Variants in EFNA5 observed in about 807,000 individuals in gnomAD.
EFNA5 encodes ephrin-A5.
In EFNA5, 5 loss-of-function variants were observed where a neutral mutation model predicts 22.9. The ratio of observed to expected loss-of-function variants is 0.22; its 90% CI spans 0.11 to 0.46. The LOEUF is 0.46. EFNA5 is among the 20% of genes least tolerant of loss of function. EFNA5 has a pLI of 0.99. For synonymous variants in EFNA5, 113 were observed against 112.2 expected (o/e 1.01, Z -0.04); for missense variants, 237 against 293.3 (o/e 0.81, Z 1.40).
intron 4 of EFNA5, among the ~76,000 whole-genome samples, chr5:107,381,843 T>C (rs1402535417): frequency 2.0e-5 from 3 of 152,170 alleles, no homozygotes. Context: ...ATAGGATTAG[T>C]GTTGAATGCC....
intron 1 of EFNA5, among the ~76,000 whole-genome samples, chr5:107,568,521 G>A (rs1437250995): frequency 6.6e-6 from 1 of 152,178 alleles, no homozygotes; most frequent in Non-Finnish European, 1.5e-5. Context: ...AAAGGGTAAA[G>A]CCATCAGGAA....
chr5:107,499,347 G>A (rs1193762458), intron 1 of EFNA5, among the ~76,000 whole-genome samples: 1 of 152,184 alleles, frequency 6.6e-6, no homozygotes, highest in Non-Finnish European at 1.5e-5. Context: ...TAAAGAGCCT[G>A]CATCTGCAGC....
intron 1 of EFNA5, among the ~76,000 whole-genome samples, chr5:107,637,080 CA>C (rs577386193): frequency 4.7e-4 from 72 of 152,244 alleles, no homozygotes; most frequent in Middle Eastern, 3.4e-3. Flanking sequence ...CTGAACTAAG[CA>C]AGAATTCTAA....
intron 4 of EFNA5, among the ~76,000 whole-genome samples, chr5:107,384,034 A>G (rs1482601269): frequency 6.6e-6 from 1 of 152,180 alleles, no homozygotes; most frequent in African/African-American, 2.4e-5. Context: ...GATTCCACAA[A>G]GCATCCTTTG....
intron 1 of EFNA5, among the ~76,000 whole-genome samples, chr5:107,492,362 TATG>T (rs1448896854): frequency 2.0e-5 from 3 of 152,242 alleles, no homozygotes; most frequent in African/African-American, 4.8e-5. Flanking sequence ...ATCCTTTTAT[TATG>T]ATAACTATTC....
At chr5:107,509,294 G>C (rs1164421075) in intron 1 of EFNA5, among the ~76,000 whole-genome samples, 1 of 151,674 alleles carries the variant, frequency 6.6e-6, no homozygotes, top group African/African-American at 2.4e-5. Context: ...GAGCAAAAGT[G>C]AGTGTCAACT....
At chr5:107,611,273 G>A (rs765648862) in intron 1 of EFNA5, among the ~76,000 whole-genome samples, 1 of 152,116 alleles carries the variant, frequency 6.6e-6, no homozygotes, top group Non-Finnish European at 1.5e-5. Flanking sequence ...AGAAGAGACT[G>A]TTTAAAATCA....
rs74892406 is a variant in EFNA5, at chr5:107,605,903, A to G, written c.125+64586T>C. On this transcript the variant is annotated intron_variant, in intron 1 of 4. Coordinates refer to ENST00000333274, the MANE Select transcript of EFNA5 (RefSeq NM_001962.3). ...AGTATTTCTATTTCTCTTGGCACTG[A>G]ATAAAATGGTTTTCCAGGGGATGGA... Among the ~76,000 whole-genome samples, 647 of 152,324 alleles carry G rather than the reference A, an allele frequency of 4.2e-3. 5 individuals carry two copies. Among genetic ancestry groups the G allele is most frequent in the African/African-American group, 0.015 (613 of 41,574 alleles).
chr5:107,462,487 C>T (rs771722319), intron 1 of EFNA5, among the ~76,000 whole-genome samples: 31 of 152,062 alleles, frequency 2.0e-4, no homozygotes, highest in Admixed American at 4.6e-4. Flanking sequence ...CCATGGTAAA[C>T]GGCTATGGGT....
intron 1 of EFNA5, among the ~76,000 whole-genome samples, chr5:107,562,059 T>C (rs17160190): frequency 0.029 from 4,423 of 152,270 alleles, 208 homozygotes; most frequent in African/African-American, 0.098. Flanking sequence ...GAAACGGTCA[T>C]GTGGATTCAA....
chr5:107,585,257 G>A (rs776156913), intron 1 of EFNA5, among the ~76,000 whole-genome samples: 6 of 152,154 alleles, frequency 3.9e-5, no homozygotes, highest in Non-Finnish European at 8.8e-5. Flanking sequence ...GAAATTCTAA[G>A]TTAACTTCTA....
intron 2 of EFNA5, among the ~76,000 whole-genome samples, chr5:107,393,552 C>G (rs919243918): frequency 3.3e-5 from 5 of 152,252 alleles, no homozygotes; most frequent in Admixed American, 2.6e-4. Context: ...GAATATTCAG[C>G]CGCTTTCTTC....
intron 1 of EFNA5, among the ~76,000 whole-genome samples, chr5:107,515,088 T>G (rs1307373171): frequency 6.6e-6 from 1 of 152,118 alleles, no homozygotes; most frequent in African/African-American, 2.4e-5. Context: ...ATGGTCCCAA[T>G]CAACTAGAAA....
At chr5:107,485,693 C>T (rs1352964935) in intron 1 of EFNA5, among the ~76,000 whole-genome samples, 1 of 152,142 alleles carries the variant, frequency 6.6e-6, no homozygotes, top group Non-Finnish European at 1.5e-5. Flanking sequence ...CACTGACTCT[C>T]ACTTATTTTA....
At chr5:107,528,169 CG>C (rs561352037) in intron 1 of EFNA5, among the ~76,000 whole-genome samples, 1 of 152,100 alleles carries the variant, frequency 6.6e-6, no homozygotes, top group South Asian at 2.1e-4. Flanking sequence ...GTACTTACCC[CG>C]CTCGCCTCAC....
chr5:107,544,987 C>A (rs541745090), intron 1 of EFNA5, among the ~76,000 whole-genome samples: 16 of 152,340 alleles, frequency 1.1e-4, no homozygotes, highest in Admixed American at 4.6e-4. Flanking sequence ...ATCCTTGAGG[C>A]TGATTTGAAG....
Position 107,480,405 on chromosome 5 carries a change from A to C in EFNA5, c.126-52896T>G, listed in dbSNP as rs184869203. ...ATCAAAGATGCTCTCTGCTTCTAAG[A>C]AATTGTTTATTAACTGGCACAAGAA... On this transcript the variant is annotated intron_variant, in intron 1 of 4. Coordinates refer to ENST00000333274, the MANE Select transcript of EFNA5 (RefSeq NM_001962.3). Among the ~76,000 whole-genome samples, 409 of 152,354 alleles carry C rather than the reference A, an allele frequency of 2.7e-3. 1 individual carries two copies. Among genetic ancestry groups the C allele is most frequent in the Non-Finnish European group, 3.8e-3 (261 of 68,042 alleles).
intron 2 of EFNA5, among the ~76,000 whole-genome samples, chr5:107,394,604 A>C (rs1437624454): frequency 6.6e-6 from 1 of 152,182 alleles, no homozygotes; most frequent in Non-Finnish European, 1.5e-5. Context: ...CACACACAAA[A>C]GAGAAATGGG....
chr5:107,611,179 G>A (rs1169649322), intron 1 of EFNA5, among the ~76,000 whole-genome samples: 1 of 151,916 alleles, frequency 6.6e-6, no homozygotes, highest in Non-Finnish European at 1.5e-5. Flanking sequence ...CGCATATGAA[G>A]CCAGAGCCCA....
Sources: gnomAD v4.1 joint callset for allele counts (sites outside exome capture counted in the v4.1 genomes callset) on GRCh38, gnomAD v4.1.1 for gene constraint, MANE v1.5 for transcripts, NCBI Gene and HGNC (gene_info 2026-07-23, HGNC 2026-07-21) for gene names.